The following SHC2 variants were observed in gnomAD, a reference collection of about 807,000 sequenced individuals.
SHC2 encodes the protein SHC-transforming protein 2.
In SHC2, 62 loss-of-function variants were observed where a neutral mutation model predicts 60.6. The ratio of observed to expected loss-of-function variants is 1.02; its 90% confidence interval spans 0.83 to 1.26. The LOEUF is 1.26. Ranked by LOEUF, SHC2 falls within the 50% of genes most tolerant of loss-of-function variation. SHC2 has a pLI of 0.00. For missense variants in SHC2, 873 were observed against 822.2 expected (o/e 1.06, Z -0.76); for synonymous variants, 375 against 372.4 (o/e 1.01, Z -0.08).
chr19:430,280 A>G lies in SHC2; in HGVS notation c.1174+404T>C, dbSNP rs1974546966. Among the ~76,000 whole-genome samples the G allele has an allele frequency of 2.0e-5, 3 of 150,778 alleles. No individual in the cohort carries two copies. The South Asian group carries it at 6.4e-4, about 32-fold the overall frequency. On this transcript the variant is annotated intron_variant, in intron 9 of 12. Coordinates refer to ENST00000264554, the MANE Select transcript of SHC2 (RefSeq NM_012435.3). Reference sequence around the variant, plus strand: ...ATACCGTGTGGATGACGCAGTACCTATACCCCAACGTGCACAGAAACCTAA... The same window carrying G: ...ATACCGTGTGGATGACGCAGTACCTGTACCCCAACGTGCACAGAAACCTAA...
Position 436,677 on chromosome 19 carries a change from C to T in SHC2, c.727G>A (p.Ala243Thr), listed in dbSNP as rs370125945. Residue 243 changes from alanine (A) to threonine (T), a missense_variant, in exon 5 of 13, where the codon GCC (alanine) becomes ACC (threonine). By Grantham distance (58) the Ala-to-Thr change is moderately conservative (BLOSUM62 0). Coordinates refer to ENST00000264554, the MANE Select transcript of SHC2 (RefSeq NM_012435.3). ...GAGATGGACGGCATGTGGTGGTTGG[C>T]GATGACCTGTGGCGGCAGGAGGCAC... Reference protein sequence around the residue: ...LSVPATRQVIANHHMPSISFA... With the variant: ...LSVPATRQVITNHHMPSISFA... 1.2e-4 allele frequency: 196 copies of T among 1,605,496 alleles called. No homozygotes were observed. The highest frequency in any genetic ancestry group is 2.9e-4 in the African/African-American group (22 of 74,890).
rs925223259 is a variant in SHC2, at chr19:436,664, A to G, written c.740T>C (p.Met247Thr). Reference protein sequence around the residue: ...ATRQVIANHHMPSISFASGGD... With the variant: ...ATRQVIANHHTPSISFASGGD... ...GCCTGACGCGAAGGAGATGGACGGC[A>G]TGTGGTGGTTGGCGATGACCTGTGG... is the stretch of plus-strand genomic sequence containing the variant. Residue 247 changes from methionine to threonine, a missense_variant, in exon 5 of 13, where the codon ATG becomes ACG. Coordinates refer to ENST00000264554, the MANE Select transcript of SHC2 (RefSeq NM_012435.3). 3 of 1,607,118 alleles carry G rather than the reference A, an allele frequency of 1.9e-6. No homozygotes were observed. Among genetic ancestry groups the G allele is most frequent in the Non-Finnish European group, 2.5e-6 (3 of 1,179,324 alleles).
chr19:431,106 C>T (rs1235747626), intron 8 of SHC2, among the ~76,000 whole-genome samples: 6 of 101,616 alleles, frequency 5.9e-5, no homozygotes, highest in South Asian at 4.0e-4. Flanking sequence ...GCCTCCGGAC[C>T]GCCCTACAGA....
chr19:448,724 A>G (rs1193354161), intron 1 of SHC2, among the ~76,000 whole-genome samples: 1 of 152,108 alleles, frequency 6.6e-6, no homozygotes, highest in Non-Finnish European at 1.5e-5. Flanking sequence ...CAAAAACACA[A>G]CCTCGACTCA....
In SHC2 at chr19:440,040, A is replaced by AT. The variant is rs1377687691; in HGVS notation, c.539+821_539+822insA. 1.3e-5 allele frequency among the ~76,000 whole-genome samples: 2 copies of AT among 150,704 alleles called. No individual in the cohort carries two copies. The highest frequency in any genetic ancestry group is 2.5e-5 in the African/African-American group (1 of 40,608). ...GACTCCATCTCAAAAAAAAAAAAAA[A>AT]AAAGGAGCAAGGCTCTGACCCAGGC... On this transcript the variant is annotated intron_variant, in intron 2 of 12. Coordinates refer to ENST00000264554, the MANE Select transcript of SHC2 (RefSeq NM_012435.3). This position sits in a 1 kb window ranked among gnomAD's most constrained non-coding sequence, Gnocchi z 7.0.
intron 1 of SHC2, among the ~76,000 whole-genome samples, chr19:447,170 G>A (rs1033804501): frequency 4.6e-5 from 7 of 152,200 alleles, no homozygotes; most frequent in African/African-American, 1.4e-4. Context: ...TCTCCGATAC[G>A]GGCCATGGCA....
intron 1 of SHC2, among the ~76,000 whole-genome samples, chr19:448,173 T>C (rs4919860): frequency 0.37 from 56,043 of 151,858 alleles, 10,452 homozygotes; most frequent in South Asian, 0.56. Context: ...ATAAGGGAAA[T>C]AAACAGAGCT....
intron 8 of SHC2, 82 bp from the exon 9 acceptor site, chr19:430,829 C>T: frequency 5.3e-6 from 7 of 1,318,682 alleles, no homozygotes; most frequent in Non-Finnish European, 7.5e-6. Flanking sequence ...CCCGCCCGGC[C>T]CTCTTAGATG....
At chr19:460,276 T>C (rs902811873) in intron 1 of SHC2, among the ~76,000 whole-genome samples, 8 of 151,614 alleles carry the variant, frequency 5.3e-5, no homozygotes, top group Non-Finnish European at 1.2e-4. Context: ...GCGGTGCACC[T>C]GCGCATGCGC....
intron 9 of SHC2, among the ~76,000 whole-genome samples, chr19:428,609 T>G (rs1280997478): frequency 6.6e-6 from 1 of 152,120 alleles, no homozygotes; most frequent in East Asian, 1.9e-4. Context: ...GCTAGGAAAA[T>G]AACTCAGGAG....
At chr19:456,651 G>A (rs998121685) in intron 1 of SHC2, among the ~76,000 whole-genome samples, 29 of 146,384 alleles carry the variant, frequency 2.0e-4, no homozygotes, top group Non-Finnish European at 3.3e-4. Flanking sequence ...TCTCCTTGCC[G>A]TGACGCACAC....
chr19:459,330 G>A (rs1472744881), intron 1 of SHC2, among the ~76,000 whole-genome samples: 2 of 131,474 alleles, frequency 1.5e-5, no homozygotes, highest in Non-Finnish European at 3.2e-5. Context: ...TGAACCCAGC[G>A]TAGGGGGAAG....
chr19:460,643 G>C lies in SHC2; in HGVS notation c.354C>G (p.Asp118Glu). 1.6e-6 allele frequency: 2 copies of C among 1,276,378 alleles called. No homozygotes were observed. The highest frequency in any genetic ancestry group is 2.0e-6 in the Non-Finnish European group (2 of 1,003,968). The allele number at this position is 1,276,378 out of a possible 1,614,324, so 79.1% of individuals were successfully genotyped here. A position where few individuals can be genotyped will look rare whatever the true frequency, so the allele number is the denominator to read the frequency against. ...GGATCCACTCGGCGGCGGCGGCGGC[G>C]TCCCCGGACCCCGCCGCCCCCCGCC... is the stretch of plus-strand genomic sequence containing the variant. Reference protein sequence around the residue: ...RGGRGAAGSGDAAAAAEWIRK... With the variant: ...RGGRGAAGSGEAAAAAEWIRK... The change falls in exon 1 of 13, where the codon GAC becomes GAG. Residue 118 changes from aspartate to glutamate, a missense_variant. Physicochemically the swap from Asp to Glu is conservative, Grantham distance 45 (BLOSUM62 2). Coordinates refer to ENST00000264554, the MANE Select transcript of SHC2 (RefSeq NM_012435.3).
chr19:428,133 G>A (rs1974468271), intron 9 of SHC2, among the ~76,000 whole-genome samples: 1 of 152,194 alleles, frequency 6.6e-6, no homozygotes, highest in Non-Finnish European at 1.5e-5. Context: ...TGTTAGGAGT[G>A]AGGACTGCTT....
rs1369752103 is a variant in SHC2 at position 424,798 on chromosome 19, G to A, written c.1309+299C>T. On this transcript the variant is annotated intron_variant, in intron 10 of 12. Transcript: ENST00000264554. The surrounding 1 kb of genome is among the most constrained non-coding windows in gnomAD (Gnocchi z 4.5). ...GGCCCCGGGAGATGGGGTCCTGTAG[G>A]AGGGGCTGGGCCTCACCCATTACAC... is the stretch of plus-strand genomic sequence containing the variant. Among the ~76,000 whole-genome samples, 1 of 152,156 alleles carries A rather than the reference G, an allele frequency of 6.6e-6. No individual in the cohort carries two copies.
chr19:456,610 G>A (rs909226884), intron 1 of SHC2, among the ~76,000 whole-genome samples: 1 of 151,190 alleles, frequency 6.6e-6, no homozygotes, highest in African/African-American at 2.4e-5. Context: ...AGAGAGTCCC[G>A]CTCCCTCTCC....
Position 422,527 on chromosome 19 carries a change from G to A in SHC2, c.1310-71C>T. The A allele has an allele frequency of 7.5e-7, 1 of 1,339,524 alleles. No individual in the cohort carries two copies. Among genetic ancestry groups the A allele is most frequent in the Non-Finnish European group, 1.0e-6 (1 of 997,938 alleles). 83.0% of individuals were successfully genotyped at this position (1,339,524 alleles called of 1,614,324 possible). On this transcript the variant is annotated intron_variant, in intron 10 of 12. Transcript: ENST00000264554. The surrounding 1 kb of genome is among the most constrained non-coding windows in gnomAD (Gnocchi z 5.0). ...CTACTCCTGCCGGGACCAGAGCTGG[G>A]AGAAACGGGTTCCCCGGGGAGTCCC...
chr19:438,359 G>C lies in SHC2; in HGVS notation c.720+359C>G, dbSNP rs893227624. Among the ~76,000 whole-genome samples the C allele has an allele frequency of 6.6e-6, 1 of 152,218 alleles. No individual in the cohort carries two copies. Among genetic ancestry groups the C allele is most frequent in the Middle Eastern group, 3.2e-3 (1 of 316 alleles). On this transcript the variant is annotated intron_variant, in intron 4 of 12. Transcript: ENST00000264554. This position sits in a 1 kb window ranked among gnomAD's most constrained non-coding sequence, Gnocchi z 5.0. ...ATACTTTTGTTGTTTGTTTCCACTT[G>C]AGGACTGATAGCCAGGGTTTATCCC... is the stretch of plus-strand genomic sequence containing the variant.
In SHC2 at chr19:440,296, G is replaced by T. The variant is rs573286329; in HGVS notation, c.539+566C>A. 6.6e-6 allele frequency among the ~76,000 whole-genome samples: 1 copy of T among 152,108 alleles called. No individual in the cohort carries two copies. The highest frequency in any genetic ancestry group is 1.5e-5 in the Non-Finnish European group (1 of 68,026). On this transcript the variant is annotated intron_variant, in intron 2 of 12. Transcript: ENST00000264554. The surrounding 1 kb of genome is among the most constrained non-coding windows in gnomAD (Gnocchi z 7.0). ...TGTTCGGAACTAGACAGTGGTGATCGTGTGACTCTGTGAAGAGCCTAAAGT... is the reference window on the plus strand; with the variant it reads ...TGTTCGGAACTAGACAGTGGTGATCTTGTGACTCTGTGAAGAGCCTAAAGT...
Sources: allele counts gnomAD v4.1 joint callset (sites outside exome capture counted in the v4.1 genomes callset), GRCh38; gene constraint gnomAD v4.1.1; non-coding constraint Gnocchi (gnomAD v3.1); transcripts MANE v1.5; gene names NCBI Gene and HGNC (gene_info 2026-07-23, HGNC 2026-07-21).